MECOM: variants seen among roughly 807,000 people sequenced by gnomAD.
The protein encoded by MECOM is histone-lysine N-methyltransferase MECOM.
MECOM carries 13 observed loss-of-function variants against 116.3 expected under a neutral mutation model. The observed-to-expected ratio is 0.11, with a 90% CI of 0.07 to 0.18. The LOEUF (loss-of-function observed/expected upper bound fraction) is 0.18, where lower values mean the gene tolerates loss of function less well. Ranked by LOEUF, MECOM falls within the 10% of genes least tolerant of loss-of-function variation. The probability of loss-of-function intolerance (pLI) is 1.00; values close to 1 mark genes in which losing one functional copy is unlikely to be tolerated. For synonymous variants in MECOM, 528 were observed against 535.2 expected, an observed-to-expected ratio of 0.99 and a Z score of 0.19; for missense variants, 1,299 against 1,509.0, an observed-to-expected ratio of 0.86 and a Z score of 2.31.
intron 2 of MECOM, among the ~76,000 whole-genome samples, chr3:169,374,306 GA>G (rs1730651896): frequency 6.6e-6 from 1 of 151,862 alleles, no homozygotes; most frequent in Non-Finnish European, 1.5e-5. Flanking sequence ...CTAGCCTCCA[GA>G]ATTGTGTGAA....
intron 1 of MECOM, among the ~76,000 whole-genome samples, chr3:169,397,570 A>G (rs1391919511): frequency 1.3e-5 from 2 of 152,218 alleles, no homozygotes; most frequent in Non-Finnish European, 2.9e-5. Context: ...AAGAACATGA[A>G]GAACTTTCTT....
At chr3:169,228,868 A>G (rs1465988139) in intron 2 of MECOM, among the ~76,000 whole-genome samples, 1 of 152,234 alleles carries the variant, frequency 6.6e-6, no homozygotes. Flanking sequence ...TTTTAACTCA[A>G]ACACACCTTT....
chr3:169,417,232 A>G (rs1180251802), intron 1 of MECOM, among the ~76,000 whole-genome samples: 2 of 150,672 alleles, frequency 1.3e-5, no homozygotes, highest in African/African-American at 4.9e-5. Flanking sequence ...AATATCCAGA[A>G]TCTACAATGA....
intron 1 of MECOM, chr3:169,477,103 GTGTATATATATATATATATA>G (rs1450394784): frequency 6.4e-4 from 36 of 56,284 alleles, no homozygotes; most frequent in African/African-American, 2.9e-3. Flanking sequence ...GTGTGTGTGT[GTGTATATATATATATATATA>G]TATATATATA....
At chr3:169,659,650 A>G (rs1419193782) in intron 1 of MECOM, among the ~76,000 whole-genome samples, 4 of 152,012 alleles carry the variant, frequency 2.6e-5, no homozygotes, top group Non-Finnish European at 2.9e-5. Context: ...ATAAACAAAT[A>G]AAAGTATTTT....
At chr3:169,612,754 A>T (rs1769444989) in intron 1 of MECOM, among the ~76,000 whole-genome samples, 1 of 152,182 alleles carries the variant, frequency 6.6e-6, no homozygotes, top group South Asian at 2.1e-4. Flanking sequence ...TCTCAACTTG[A>T]TAAAATACGT....
At chr3:169,303,452 T>C (rs539251579) in intron 2 of MECOM, among the ~76,000 whole-genome samples, 1 of 152,204 alleles carries the variant, frequency 6.6e-6, no homozygotes, top group South Asian at 2.1e-4. Flanking sequence ...GTGGAAGACA[T>C]GTTAGAAGTC....
intron 2 of MECOM, among the ~76,000 whole-genome samples, chr3:169,287,145 C>T (rs1713492170): frequency 6.6e-6 from 1 of 152,176 alleles, no homozygotes; most frequent in South Asian, 2.1e-4. Context: ...TGTCATGCTT[C>T]GCTGCCTTTA....
intron 16 of MECOM, among the ~76,000 whole-genome samples, chr3:169,086,305 C>T (rs963841652): frequency 6.6e-6 from 1 of 152,084 alleles, no homozygotes; most frequent in Non-Finnish European, 1.5e-5. Context: ...ATATAGAGTA[C>T]TTATCTTTGG....
At chr3:169,566,626 G>A (rs1314900904) in intron 1 of MECOM, among the ~76,000 whole-genome samples, 1 of 152,174 alleles carries the variant, frequency 6.6e-6, no homozygotes, top group Non-Finnish European at 1.5e-5. Flanking sequence ...GCCTCAGCCA[G>A]TGAAAGAGCC....
At chr3:169,107,570 A>C (rs554755187) in intron 10 of MECOM, among the ~76,000 whole-genome samples, 1 of 152,188 alleles carries the variant, frequency 6.6e-6, no homozygotes, top group South Asian at 2.1e-4. Context: ...GCATCTTTAC[A>C]TGCTGATACA....
At chr3:169,660,601 T>C (rs1179879634) in intron 1 of MECOM, among the ~76,000 whole-genome samples, 6 of 152,160 alleles carry the variant, frequency 3.9e-5, no homozygotes, top group East Asian at 3.8e-4. Flanking sequence ...TTTGTTTCCA[T>C]TGTAATGTTT....
At chr3:169,534,122 A>C (rs1488704430) in intron 1 of MECOM, among the ~76,000 whole-genome samples, 2 of 152,198 alleles carry the variant, frequency 1.3e-5, no homozygotes, top group East Asian at 3.8e-4. Flanking sequence ...CAGCAGATGC[A>C]CTATGAATTT....
intron 2 of MECOM, among the ~76,000 whole-genome samples, chr3:169,224,738 T>G (rs1366794225): frequency 6.6e-6 from 1 of 152,198 alleles, no homozygotes; most frequent in Non-Finnish European, 1.5e-5. Flanking sequence ...TGGCATTCAT[T>G]ATCCACCAGG....
intron 2 of MECOM, among the ~76,000 whole-genome samples, chr3:169,180,063 A>C (rs1643805980): frequency 6.6e-6 from 1 of 152,174 alleles, no homozygotes; most frequent in South Asian, 2.1e-4. Flanking sequence ...TACTTTCGGA[A>C]TTCCTTTTTA....
intron 2 of MECOM, among the ~76,000 whole-genome samples, chr3:169,279,829 A>T (rs188971677): frequency 4.1e-4 from 63 of 152,292 alleles, no homozygotes; most frequent in Non-Finnish European, 5.9e-5. Context: ...TTCTAACAGA[A>T]CAGTCTTACT....
chr3:169,171,005 A>G (rs932577191), intron 2 of MECOM, among the ~76,000 whole-genome samples: 1 of 152,204 alleles, frequency 6.6e-6, no homozygotes, highest in Non-Finnish European at 1.5e-5. Context: ...ATGTTGCTAA[A>G]TTAATAGGAA....
chr3:169,329,915 T>C (rs1722458798), intron 2 of MECOM, among the ~76,000 whole-genome samples: 1 of 152,242 alleles, frequency 6.6e-6, no homozygotes, highest in African/African-American at 2.4e-5. Flanking sequence ...CCATGCAGCA[T>C]GGCAAGGGCC....
At chr3:169,454,627 G>T (rs1746180001) in intron 1 of MECOM, among the ~76,000 whole-genome samples, 2 of 151,720 alleles carry the variant, frequency 1.3e-5, no homozygotes, top group Admixed American at 1.3e-4. Context: ...TCTTTATTTT[G>T]GTGTAACACT....
Sources: gnomAD v4.1 joint callset for allele counts (sites outside exome capture counted in the v4.1 genomes callset) on GRCh38, gnomAD v4.1.1 for gene constraint, MANE v1.5 for transcripts, NCBI Gene and HGNC (gene_info 2026-07-23, HGNC 2026-07-21) for gene names.